The following SH2D3C variants were observed in gnomAD, a reference collection of about 807,000 sequenced individuals.
The protein encoded by SH2D3C is SH2 domain containing 3C, also known as SH2 domain-containing protein 3C.
In SH2D3C, 25 loss-of-function variants were observed where a neutral mutation model predicts 75.2. The ratio of observed to expected loss-of-function variants is 0.33; its 90% CI spans 0.24 to 0.46. The LOEUF (loss-of-function observed/expected upper bound fraction) is 0.46. Ranked by LOEUF, SH2D3C falls within the 20% of genes least tolerant of loss-of-function variation. The pLI is 1.00. For missense variants in SH2D3C, 933 were observed against 1,165.3 expected (o/e 0.80, Z 2.90); for synonymous variants, 450 against 473.7 (o/e 0.95, Z 0.65).
chr9:127,777,646 C>G (rs536856366), intron 1 of SH2D3C, among the ~76,000 whole-genome samples: 1 of 152,288 alleles, frequency 6.6e-6, no homozygotes, highest in African/African-American at 2.4e-5. Context: ...GAATGCCTCC[C>G]CTGCCCGGCC....
At chr9:127,755,112 G>A (rs1323543969) in intron 3 of SH2D3C, 2 of 1,218,114 alleles carry the variant, frequency 1.6e-6, no homozygotes, top group African/African-American at 1.6e-5. Context: ...GGTAGAAGCA[G>A]CAGGCGGCGG....
chr9:127,741,241 C>CTTT (rs71495658), intron 9 of SH2D3C, among the ~76,000 whole-genome samples: 1,996 of 137,556 alleles, frequency 0.015, 58 homozygotes, highest in African/African-American at 0.051. Context: ...TCTTCTTATT[C>CTTT]TTTTTTTTTT....
intron 3 of SH2D3C, among the ~76,000 whole-genome samples, chr9:127,752,407 C>T (rs1845227094): frequency 6.6e-6 from 1 of 152,132 alleles, no homozygotes; most frequent in Non-Finnish European, 1.5e-5. Flanking sequence ...CCTTCCCCCA[C>T]CTCCAGGCCC....
At chr9:127,748,363 C>T (rs1845095784) in intron 5 of SH2D3C, among the ~76,000 whole-genome samples, 1 of 152,192 alleles carries the variant, frequency 6.6e-6, no homozygotes, top group Non-Finnish European at 1.5e-5. Context: ...AATTCCTTGA[C>T]TGGGAGCACC....
chr9:127,763,669 G>A (rs778222130), intron 2 of SH2D3C, among the ~76,000 whole-genome samples: 3 of 152,120 alleles, frequency 2.0e-5, no homozygotes, highest in Non-Finnish European at 4.4e-5. Flanking sequence ...AAATGGGGAG[G>A]GGAGTCAAAT....
In SH2D3C at chr9:127,749,971, G is replaced by A. The variant is rs1845150565; in HGVS notation, c.685-306C>T. On this transcript the variant is annotated intron_variant, in intron 4 of 11. Coordinates refer to ENST00000314830, the MANE Select transcript of SH2D3C (RefSeq NM_170600.3). The surrounding 1 kb of genome is among the most constrained non-coding windows in gnomAD (Gnocchi z 5.9). ...AGGAGTGAGAATGGCTGTGACCTGA[G>A]ACCCAGGTCTCAGACCCATCCCTTC... Among the ~76,000 whole-genome samples the A allele has an allele frequency of 6.6e-6, 1 of 152,004 alleles. No individual in the cohort carries two copies. Among genetic ancestry groups the A allele is most frequent in the African/African-American group, 2.4e-5 (1 of 41,366 alleles).
At chr9:127,746,754 A>G (rs1019200236) in intron 6 of SH2D3C, among the ~76,000 whole-genome samples, 9 of 152,274 alleles carry the variant, frequency 5.9e-5, no homozygotes, top group African/African-American at 1.9e-4. Context: ...TCTGGCCAAC[A>G]TGACGAAACA....
intron 1 of SH2D3C, among the ~76,000 whole-genome samples, chr9:127,777,371 G>C (rs1248952869): frequency 6.6e-6 from 1 of 152,088 alleles, no homozygotes; most frequent in African/African-American, 2.4e-5. Flanking sequence ...CAGCCTCACT[G>C]CTGTTGGGAA....
At position 127,741,943 on chromosome 9, in the gene SH2D3C, T is replaced by C. The variant is rs1844870539; in HGVS notation, c.1933A>G (p.Ile645Val). 1 of 1,612,304 alleles carries C rather than the reference T, an allele frequency of 6.2e-7. No individual in the cohort carries two copies. Among genetic ancestry groups the C allele is most frequent in the Non-Finnish European group, 8.5e-7 (1 of 1,179,808 alleles). Residue 645 changes from isoleucine to valine, a missense_variant, in exon 9 of 12, where the codon ATC (isoleucine) becomes GTC (valine). Ile to Val is a conservative substitution (Grantham distance 29). Transcript: ENST00000314830. ...CCCAGGATGTCCACGGCCAGCATGATGGACATGGTGTGGAACCTGTCAGAG... is the reference window on the plus strand; with the variant it reads ...CCCAGGATGTCCACGGCCAGCATGACGGACATGGTGTGGAACCTGTCAGAG... Reference protein sequence around the residue: ...DLLERFHTMSIMLAVDILGCT... With the variant: ...DLLERFHTMSVMLAVDILGCT...
chr9:127,763,093 G>A (rs972254208), intron 2 of SH2D3C, among the ~76,000 whole-genome samples: 1 of 152,236 alleles, frequency 6.6e-6, no homozygotes, highest in East Asian at 1.9e-4. Context: ...CAGGGCCTTC[G>A]CACTTGCTGT....
rs1042261403 is a variant in SH2D3C, at chr9:127,751,090, G to A, written c.684+82C>T. 7.1e-7 allele frequency: 1 copy of A among 1,416,934 alleles called. No homozygotes were observed. Among genetic ancestry groups the A allele is most frequent in the Admixed American group, 1.8e-5 (1 of 56,424 alleles). 87.8% of individuals were successfully genotyped at this position (1,416,934 alleles called of 1,614,324 possible). On this transcript the variant is annotated intron_variant, in intron 4 of 11. Coordinates refer to ENST00000314830, the MANE Select transcript of SH2D3C (RefSeq NM_170600.3). The surrounding 1 kb of genome is among the most constrained non-coding windows in gnomAD (Gnocchi z 4.1). Reference sequence around the variant, plus strand: ...CCAAGCAACAGGTCAGAGCCTCCCAGGTGGCTGCAGCCAGGGCTGGGGCTG... The same window carrying A: ...CCAAGCAACAGGTCAGAGCCTCCCAAGTGGCTGCAGCCAGGGCTGGGGCTG...
At position 127,744,650 on chromosome 9, in the gene SH2D3C, C is replaced by T. The variant is rs1844968328; in HGVS notation, c.1714G>A (p.Val572Met). ...TCCTTGACCTTGCGCAGAAGGCCCACCTCCAGTGGCCGGTTATCCCTGGGG... is the reference window on the plus strand; with the variant it reads ...TCCTTGACCTTGCGCAGAAGGCCCATCTCCAGTGGCCGGTTATCCCTGGGG... ...LIPRDNRPLE[V>M]GLLRKVKELL... Residue 572 changes from valine (V) to methionine (M), a missense_variant, in exon 7 of 12, where the codon GTG (valine) becomes ATG (methionine). Physicochemically the swap from Val to Met is conservative, Grantham distance 21. Transcript: ENST00000314830. The T allele has an allele frequency of 6.2e-7, 1 of 1,614,218 alleles. No individual in the cohort carries two copies. The highest frequency in any genetic ancestry group is 2.2e-5 in the East Asian group (1 of 44,878).
rs765818553 is a variant in SH2D3C, at chr9:127,739,488, C to T, written c.2407+194G>A. On this transcript the variant is annotated intron_variant, in intron 11 of 11. Coordinates refer to ENST00000314830, the MANE Select transcript of SH2D3C (RefSeq NM_170600.3). This position sits in a 1 kb window ranked among gnomAD's most constrained non-coding sequence, Gnocchi z 4.3. ...CTGTGCCACTGCACTCCAGCCTGGG[C>T]GACAGTGTGAGACTCCATCTCAAAA... Among the ~76,000 whole-genome samples, 16 of 150,368 alleles carry T rather than the reference C, an allele frequency of 1.1e-4. No homozygotes were observed. Among genetic ancestry groups the T allele is most frequent in the Middle Eastern group, 3.4e-3 (1 of 290 alleles).
At chr9:127,750,634 T>C (rs550113668) in intron 4 of SH2D3C, among the ~76,000 whole-genome samples, 1 of 152,234 alleles carries the variant, frequency 6.6e-6, no homozygotes, top group African/African-American at 2.4e-5. Flanking sequence ...AGCCACCACC[T>C]TTTCTACCTC....
chr9:127,745,267 C>G (rs1844993986), intron 6 of SH2D3C, among the ~76,000 whole-genome samples, 168 bp from the exon 7 acceptor site: 1 of 151,938 alleles, frequency 6.6e-6, no homozygotes, highest in East Asian at 1.9e-4. Context: ...CTCTGGCAAG[C>G]TGACCAGCCC....
At chr9:127,746,924 A>C (rs539972088) in intron 6 of SH2D3C, among the ~76,000 whole-genome samples, 1 of 152,192 alleles carries the variant, frequency 6.6e-6, no homozygotes, top group Non-Finnish European at 1.5e-5. Flanking sequence ...CAAGAGCAAA[A>C]CTGTCACAAA....
intron 3 of SH2D3C, among the ~76,000 whole-genome samples, chr9:127,752,787 C>T (rs1167544820): frequency 6.6e-6 from 1 of 152,164 alleles, no homozygotes; most frequent in Non-Finnish European, 1.5e-5. Flanking sequence ...GGCCTCTGCC[C>T]TGGGGGAGGC....
intron 3 of SH2D3C, chr9:127,755,201 G>A (rs1845341945): frequency 4.2e-6 from 5 of 1,200,856 alleles, no homozygotes; most frequent in East Asian, 6.8e-5. Flanking sequence ...GTGGGGGGGC[G>A]GTGGCCGGCG....
chr9:127,777,434 C>T (rs1431749021), intron 1 of SH2D3C, among the ~76,000 whole-genome samples: 1 of 151,470 alleles, frequency 6.6e-6, no homozygotes, highest in Non-Finnish European at 1.5e-5. Flanking sequence ...CAGTAACTCC[C>T]CACCTGGGAT....
Sources: gnomAD v4.1 joint callset for allele counts (sites outside exome capture counted in the v4.1 genomes callset) on GRCh38, gnomAD v4.1.1 for gene constraint, Gnocchi (gnomAD v3.1) non-coding constraint, MANE v1.5 for transcripts, NCBI Gene and HGNC (gene_info 2026-07-23, HGNC 2026-07-21) for gene names.